SLC35F5: variants seen among roughly 807,000 people sequenced by gnomAD.
SLC35F5 encodes HCV NS5A-transactivated protein 3.
SLC35F5 carries 54 observed loss-of-function variants against 68.6 expected under a neutral mutation model. The observed-to-expected ratio is 0.79, with a 90% CI of 0.63 to 0.99. The LOEUF is 0.99. Ranked by LOEUF, SLC35F5 falls within the 50% of genes least tolerant of loss-of-function variation. SLC35F5 has a pLI of 0.00. For synonymous variants in SLC35F5, 211 were observed against 205.2 expected, an observed-to-expected ratio of 1.03 and a Z score of -0.24; for missense variants, 567 against 626.9, an observed-to-expected ratio of 0.90 and a Z score of 1.02.
chr2:113,703,741 G>T (rs1686739544), downstream of SLC35F5: 2 of 152,174 alleles, frequency 1.3e-5, no homozygotes, highest in African/African-American at 2.4e-5. Context: ...GCCCTGAGAA[G>T]AAAAACTGGG....
chr2:113,747,043 T>C (rs1179089376), intron 4 of SLC35F5, among the ~76,000 whole-genome samples: 1 of 151,840 alleles, frequency 6.6e-6, no homozygotes, highest in African/African-American at 2.4e-5. Flanking sequence ...TCCCGGCAGT[T>C]TGGGAGGCTG....
chr2:113,723,253 G>T, intron 12 of SLC35F5, 59 bp from the exon 13 acceptor site: 3 of 1,245,614 alleles, frequency 2.4e-6, no homozygotes, highest in South Asian at 3.2e-5. Context: ...GAAAAACACT[G>T]AACAAAGACT....
chr2:113,743,992 TAC>T (rs1676387322), intron 5 of SLC35F5, 198 bp from the exon 6 acceptor site: 1 of 405,776 alleles, frequency 2.5e-6, no homozygotes, highest in East Asian at 3.5e-5. Context: ...AGAATCAGTT[TAC>T]AGTTTAGCAA....
At chr2:113,727,258 T>A (rs1227083149) in intron 11 of SLC35F5, among the ~76,000 whole-genome samples, 3 of 152,006 alleles carry the variant, frequency 2.0e-5, no homozygotes, top group Admixed American at 6.6e-5. Context: ...GAACTGTGAG[T>A]CAATTAAACC....
intron 9 of SLC35F5, among the ~76,000 whole-genome samples, chr2:113,732,248 C>T (rs1279191506): frequency 6.6e-6 from 1 of 152,086 alleles, no homozygotes; most frequent in Non-Finnish European, 1.5e-5. Flanking sequence ...GTAGAGATAT[C>T]AGAGGTCATT....
At position 113,714,301 on chromosome 2, in the gene SLC35F5, A is replaced by G. The variant is rs538846737; in HGVS notation, c.*917T>C. 7 of 152,272 alleles carry G rather than the reference A, an allele frequency of 4.6e-5. No homozygotes were observed. The East Asian group carries it at 1.3e-3, about 29-fold the overall frequency. 9.4% of individuals were successfully genotyped at this position (152,272 alleles called of 1,614,324 possible). A position where few individuals can be genotyped will look rare whatever the true frequency, so the allele number is the denominator to read the frequency against. Reference sequence around the variant, plus strand: ...ATCTAGTTCTAGAGTAATCTGGCACATTCATATGTGAAAAAAATTAGAAAT... The same window carrying G: ...ATCTAGTTCTAGAGTAATCTGGCACGTTCATATGTGAAAAAAATTAGAAAT... On this transcript the variant is annotated 3_prime_UTR_variant, in exon 16 of 16. Coordinates refer to ENST00000245680, the MANE Select transcript of SLC35F5 (RefSeq NM_025181.5).
In SLC35F5 at chr2:113,755,240, G is replaced by A. The variant is rs1266095075; in HGVS notation, c.198C>T (p.Arg66=). The change falls in exon 3 of 16, where the codon CGC becomes CGT. Residue 66 remains arginine, a synonymous_variant. Transcript: ENST00000245680. ...MNSQNSGFTQ[R]RRMALGIVIL... ...TAACAATCCCAAGAGCCATTCGCCT[G>A]CGCTGAGTGAAACCACTGTTCTGGG... The A allele has an allele frequency of 1.9e-6, 3 of 1,614,076 alleles. No individual in the cohort carries two copies. Among genetic ancestry groups the A allele is most frequent in the Non-Finnish European group, 2.5e-6 (3 of 1,180,002 alleles).
intron 7 of SLC35F5, chr2:113,742,405 C>T (rs954712113): frequency 1.7e-5 from 8 of 468,428 alleles, no homozygotes; most frequent in Middle Eastern, 5.5e-4. Flanking sequence ...GAGCATGAGG[C>T]AATGCTAAAT....
At position 113,725,268 on chromosome 2, in the gene SLC35F5, T is replaced by C. The variant is rs1194718000; in HGVS notation, c.1250+110A>G. ...GTTAAAGTATTCAGTTGTATGTGTG[T>C]TGCAGAATGGGGTGCACAGGAAGGG... On this transcript the variant is annotated intron_variant, in intron 12 of 15. Coordinates refer to ENST00000245680, the MANE Select transcript of SLC35F5 (RefSeq NM_025181.5). 4.2e-6 allele frequency: 4 copies of C among 952,670 alleles called. No individual in the cohort carries two copies. The Admixed American group carries it at 1.0e-4, about 25-fold the overall frequency. 59.0% of individuals were successfully genotyped at this position (952,670 alleles called of 1,614,324 possible).
Position 113,710,860 on chromosome 2 carries a change from T to C in SLC35F5, c.*4358A>G, listed in dbSNP as rs1440656098. On this transcript the variant is annotated 3_prime_UTR_variant, in exon 16 of 16. Transcript: ENST00000245680. ...CCTTCCAAGGACCCACTGAAATTAA[T>C]GGATACTCTCACATGACTGACTTTA... Among the ~76,000 whole-genome samples the C allele has an allele frequency of 1.3e-5, 2 of 152,198 alleles. No individual in the cohort carries two copies. Among genetic ancestry groups the C allele is most frequent in the Non-Finnish European group, 2.9e-5 (2 of 68,038 alleles).
In SLC35F5 at chr2:113,732,426, TA is replaced by T. The variant is rs146375676; in HGVS notation, c.921-779del. 2.5e-3 allele frequency among the ~76,000 whole-genome samples: 380 copies of T among 149,266 alleles called. 1 individual carries two copies. Among genetic ancestry groups the T allele is most frequent in the African/African-American group, 5.4e-3 (222 of 40,774 alleles). ...TTCAAGTAGATGAGATATTGCTAAT[TA>T]AAAAAAAAAATTAGCCTAATTCTCT... On this transcript the variant is annotated intron_variant, in intron 9 of 15. Transcript: ENST00000245680.
At chr2:113,754,057 C>T (rs1451263322) in intron 3 of SLC35F5, among the ~76,000 whole-genome samples, 1 of 151,842 alleles carries the variant, frequency 6.6e-6, no homozygotes, top group African/African-American at 2.4e-5. Context: ...TTTGGGAGGC[C>T]GAGGCGGGCG....
At chr2:113,726,849 C>T (rs1320687879) in intron 11 of SLC35F5, among the ~76,000 whole-genome samples, 1 of 152,216 alleles carries the variant, frequency 6.6e-6, no homozygotes, top group Non-Finnish European at 1.5e-5. Flanking sequence ...TTGTGCGCCA[C>T]ACGGTTCTTT....
chr2:113,749,461 T>A (rs533631182), intron 4 of SLC35F5, among the ~76,000 whole-genome samples: 1 of 152,316 alleles, frequency 6.6e-6, no homozygotes, highest in East Asian at 1.9e-4. Flanking sequence ...ATTAAACCAC[T>A]GCACTCCAGC....
chr2:113,751,339 G>GT (rs1399188300), intron 3 of SLC35F5, among the ~76,000 whole-genome samples: 5 of 152,008 alleles, frequency 3.3e-5, no homozygotes, highest in Non-Finnish European at 5.9e-5. Context: ...AAGGGAGACT[G>GT]TTTTTTTGTT....
chr2:113,752,371 A>G lies in SLC35F5; in HGVS notation c.274-1803T>C, dbSNP rs1330223235. ...ACAACTTAAACGTGGATATTCAACTATTACCTAAAAGTTGGTGAGGAATTT... is the reference window on the plus strand; with the variant it reads ...ACAACTTAAACGTGGATATTCAACTGTTACCTAAAAGTTGGTGAGGAATTT... On this transcript the variant is annotated intron_variant, in intron 3 of 15. Coordinates refer to ENST00000245680, the MANE Select transcript of SLC35F5 (RefSeq NM_025181.5). Among the ~76,000 whole-genome samples the G allele has an allele frequency of 2.6e-5, 4 of 152,206 alleles. No homozygotes were observed. In the East Asian group the frequency reaches 7.7e-4, roughly 29 times the overall value.
At chr2:113,734,743 C>T in intron 8 of SLC35F5, 70 bp from the exon 9 acceptor site, 1 of 924,792 alleles carries the variant, frequency 1.1e-6, no homozygotes, top group Non-Finnish European at 1.7e-6. Flanking sequence ...CTACCAACTT[C>T]ATTGTTTAAA....
chr2:113,724,184 A>G (rs1687568594), intron 12 of SLC35F5, among the ~76,000 whole-genome samples: 1 of 152,234 alleles, frequency 6.6e-6, no homozygotes, highest in South Asian at 2.1e-4. Flanking sequence ...CTGTGAAAAG[A>G]GCATTCGGGG....
At chr2:113,720,629 TC>T (rs1201457101) in intron 13 of SLC35F5, among the ~76,000 whole-genome samples, 9 of 152,192 alleles carry the variant, frequency 5.9e-5, no homozygotes, top group Non-Finnish European at 1.0e-4. Context: ...TTTAACATAT[TC>T]CTGGAATATT....
Sources: gnomAD v4.1 joint callset for allele counts (sites outside exome capture counted in the v4.1 genomes callset) on GRCh38, gnomAD v4.1.1 for gene constraint, MANE v1.5 for transcripts, NCBI Gene and HGNC (gene_info 2026-07-23, HGNC 2026-07-21) for gene names.